The following LRRFIP1 variants were observed in gnomAD, a reference collection of about 807,000 sequenced individuals.
LRRFIP1 encodes leucine-rich repeat flightless-interacting protein 1.
A neutral mutation model predicts 104.4 loss-of-function variants in LRRFIP1; 62 were observed. The observed-to-expected ratio is 0.59, with a 90% CI of 0.48 to 0.73. LRRFIP1 has a LOEUF of 0.73. LRRFIP1 is among the 30% of genes least tolerant of loss of function. The pLI, the probability that LRRFIP1 is intolerant of heterozygous loss-of-function variation, is 0.00. For synonymous variants in LRRFIP1, 300 were observed against 299.0 expected, an observed-to-expected ratio of 1.00 and a Z score of -0.03; for missense variants, 796 against 824.5, an observed-to-expected ratio of 0.97 and a Z score of 0.42.
intron 5 of LRRFIP1, among the ~76,000 whole-genome samples, chr2:237,720,530 A>T (rs2150172909): frequency 6.6e-6 from 1 of 152,288 alleles, no homozygotes; most frequent in South Asian, 2.1e-4. Flanking sequence ...GATTACAGGC[A>T]TGACACCACA....
intron 1 of LRRFIP1, among the ~76,000 whole-genome samples, chr2:237,688,768 C>A (rs1213223464): frequency 6.6e-6 from 1 of 151,966 alleles, no homozygotes. Flanking sequence ...CCCAGATGCA[C>A]CCTCTTCCGA....
chr2:237,651,944 T>C (rs910774579), intron 1 of LRRFIP1, among the ~76,000 whole-genome samples: 3 of 152,242 alleles, frequency 2.0e-5, no homozygotes, highest in Admixed American at 6.5e-5. Flanking sequence ...CGTGGCTGCA[T>C]TGGGCTGTGC....
At chr2:237,727,802 G>A in intron 7 of LRRFIP1, 74 bp from the exon 8 acceptor site, 1 of 1,084,130 alleles carries the variant, frequency 9.2e-7, no homozygotes, top group Non-Finnish European at 1.4e-6. Context: ...CTGGCTGGTT[G>A]GTCCCTGCTG....
intron 19 of LRRFIP1, chr2:237,765,716 G>T (rs2060215508): frequency 5.3e-6 from 5 of 934,636 alleles, no homozygotes; most frequent in Admixed American, 1.2e-4. Flanking sequence ...TAAAATAATT[G>T]TAAAGTTAGA....
At position 237,706,689 on chromosome 2, in the gene LRRFIP1, A is replaced by G. The variant is rs140041279; in HGVS notation, c.97-1855A>G. Among the ~76,000 whole-genome samples, 346 of 152,236 alleles carry G rather than the reference A, an allele frequency of 2.3e-3. 10 individuals are homozygous for G. The East Asian group carries it at 0.047, about 21-fold the overall frequency. On this transcript the variant is annotated intron_variant, in intron 1 of 23. Transcript: ENST00000308482. ...GTCACCCAGGCTGGAGTGCAGTGGC[A>G]CAATCACAGCTCACTACAGCCTCAA...
At chr2:237,712,626 C>T (rs941914127) in intron 2 of LRRFIP1, among the ~76,000 whole-genome samples, 1 of 152,148 alleles carries the variant, frequency 6.6e-6, no homozygotes, top group African/African-American at 2.4e-5. Context: ...CGCACGCATT[C>T]GTGTGTGTGC....
At chr2:237,638,122 A>G (rs2083356059) in intron 1 of LRRFIP1, among the ~76,000 whole-genome samples, 1 of 152,160 alleles carries the variant, frequency 6.6e-6, no homozygotes, top group Non-Finnish European at 1.5e-5. Flanking sequence ...TTATTGTTAC[A>G]CTGTAATATA....
rs147974718 is a variant in LRRFIP1 at position 237,642,328 on chromosome 2, C to T, written c.96+14588C>T. ...GCTTCACTCCAGGTTCTAGGCTGCACGCCTGGTTCCAGGCTCTAGGCCTCA... is the reference window on the plus strand; with the variant it reads ...GCTTCACTCCAGGTTCTAGGCTGCATGCCTGGTTCCAGGCTCTAGGCCTCA... On this transcript the variant is annotated intron_variant, in intron 1 of 23. Coordinates refer to ENST00000308482, the MANE Select transcript of LRRFIP1 (RefSeq NM_001137550.2). Among the ~76,000 whole-genome samples the T allele has an allele frequency of 1.3e-3, 201 of 152,316 alleles. 1 individual carries two copies. Among genetic ancestry groups the T allele is most frequent in the African/African-American group, 9.1e-4 (38 of 41,568 alleles).
chr2:237,755,653 G>A (rs889963205), intron 15 of LRRFIP1, among the ~76,000 whole-genome samples: 11 of 152,250 alleles, frequency 7.2e-5, no homozygotes, highest in African/African-American at 2.2e-4. Flanking sequence ...GGGCTTGAAG[G>A]CCAGGTGCAG....
intron 19 of LRRFIP1, 144 bp downstream of exon 19, chr2:237,760,349 T>A: frequency 1.0e-6 from 1 of 976,256 alleles, no homozygotes; most frequent in South Asian, 1.8e-5. Flanking sequence ...CATGGTAATT[T>A]CCTTGCCCAC....
In LRRFIP1 at chr2:237,750,326, CTTTTTTTTTTTTT is replaced by C. The variant is rs928510240; in HGVS notation, c.796-861_796-849del. ...CCTTTTTCTTTTCTTTTCTTTCTTT[CTTTTTTTTTTTTT>C]TTTTTTTTTTTTGGAGACAAGAGTT... On this transcript the variant is annotated intron_variant, in intron 13 of 23. Transcript: ENST00000308482. 5.9e-4 allele frequency among the ~76,000 whole-genome samples: 36 copies of C among 60,726 alleles called. No homozygotes were observed. In the Admixed American group the frequency reaches 5.9e-3, roughly 10 times the overall value. 39.8% of individuals were successfully genotyped at this position (60,726 alleles called of 152,430 possible).
chr2:237,664,298 C>G (rs1300427828), intron 1 of LRRFIP1, among the ~76,000 whole-genome samples: 2 of 152,266 alleles, frequency 1.3e-5, no homozygotes, highest in African/African-American at 2.4e-5. Flanking sequence ...GCGTTCTCCA[C>G]TGCGTTTCCA....
At chr2:237,769,913 C>G (rs781396978) in intron 19 of LRRFIP1, 30 bp from the exon 20 acceptor site, 1 of 1,568,834 alleles carries the variant, frequency 6.4e-7, no homozygotes, top group Non-Finnish European at 8.7e-7. Context: ...CGCGGATTCA[C>G]CTAAACCTGT....
chr2:237,697,577 T>C (rs1559576097), intron 1 of LRRFIP1, among the ~76,000 whole-genome samples: 2 of 152,226 alleles, frequency 1.3e-5, no homozygotes, highest in African/African-American at 2.4e-5. Flanking sequence ...TTCCAGGGAA[T>C]ATCCACTGAA....
intron 1 of LRRFIP1, among the ~76,000 whole-genome samples, chr2:237,672,379 T>G (rs2090489888): frequency 6.6e-6 from 1 of 152,198 alleles, no homozygotes; most frequent in African/African-American, 2.4e-5. Flanking sequence ...ATGCCCCAGC[T>G]TCTTGTTTTC....
intron 7 of LRRFIP1, among the ~76,000 whole-genome samples, chr2:237,724,656 A>G (rs1422603739): frequency 6.6e-6 from 1 of 151,994 alleles, no homozygotes; most frequent in African/African-American, 2.4e-5. Flanking sequence ...AACTCCAGCA[A>G]CTCTCCTGTT....
chr2:237,769,980 C>T lies in LRRFIP1; in HGVS notation c.1497C>T (p.Cys499=). 1 of 1,603,894 alleles carries T rather than the reference C, an allele frequency of 6.2e-7. No homozygotes were observed. Among genetic ancestry groups the T allele is most frequent in the Non-Finnish European group, 8.5e-7 (1 of 1,174,474 alleles). ...AAAAGCTGGTTGATGAACGGGAATG[C>T]TTATTGGAACAGGTAACAATCTTTT... is the stretch of plus-strand genomic sequence containing the variant. The part of the protein sequence containing the change: ...RLKKLVDERE[C]LLEQIKKLKG... Residue 499 remains cysteine, a synonymous_variant, in exon 20 of 24, where the codon TGC becomes TGT. Transcript: ENST00000308482.
chr2:237,736,737 G>A (rs758028550), intron 10 of LRRFIP1, among the ~76,000 whole-genome samples: 1 of 152,220 alleles, frequency 6.6e-6, no homozygotes, highest in African/African-American at 2.4e-5. Context: ...AGGTCATCTT[G>A]TCCTGACAGC....
chr2:237,723,636 A>C, intron 7 of LRRFIP1, 50 bp downstream of exon 7: 2 of 1,599,936 alleles, frequency 1.3e-6, no homozygotes, highest in Non-Finnish European at 1.7e-6. Flanking sequence ...GTGTGGTGTG[A>C]CCATAATAAC....
Sources: gnomAD v4.1 joint callset for allele counts (sites outside exome capture counted in the v4.1 genomes callset) on GRCh38, gnomAD v4.1.1 for gene constraint, MANE v1.5 for transcripts, NCBI Gene and HGNC (gene_info 2026-07-23, HGNC 2026-07-21) for gene names.